Variants in UTRN observed in about 807,000 individuals in gnomAD.
UTRN encodes the protein utrophin.
Under a neutral mutation model 463.9 loss-of-function variants are expected in UTRN, and 283 were observed. That is an observed-to-expected ratio of 0.61 (90% CI 0.55 to 0.67). The LOEUF is 0.67. Ranked by LOEUF, UTRN falls within the 30% of genes least tolerant of loss-of-function variation. UTRN has a pLI of 0.00. For synonymous variants in UTRN, 1,442 were observed against 1,431.5 expected, an observed-to-expected ratio of 1.01 and a Z score of -0.17; for missense variants, 3,922 against 4,084.3, an observed-to-expected ratio of 0.96 and a Z score of 1.08.
At chr6:144,842,006 A>T (rs986422337) in intron 73 of UTRN, among the ~76,000 whole-genome samples, 1 of 146,438 alleles carries the variant, frequency 6.8e-6, no homozygotes, top group African/African-American at 2.5e-5. Flanking sequence ...GCAACTCAGG[A>T]GGTTGAGGCA....
intron 2 of UTRN, among the ~76,000 whole-genome samples, chr6:144,356,883 A>ATGTGTGTGTGTATATATACACATG (rs35404291): frequency 6.6e-6 from 1 of 151,456 alleles, no homozygotes; most frequent in Admixed American, 6.6e-5. Context: ...ATATATACAT[A>ATGTGTGTGTGTATATATACACATG]TGTGTGTGTA....
intron 46 of UTRN, among the ~76,000 whole-genome samples, chr6:144,544,338 C>A (rs945323664): frequency 6.6e-6 from 1 of 152,142 alleles, no homozygotes; most frequent in Non-Finnish European, 1.5e-5. Context: ...TGTTGTACAA[C>A]CACTATTTCT....
At chr6:144,329,709 A>G (rs1776208727) in intron 2 of UTRN, among the ~76,000 whole-genome samples, 1 of 152,192 alleles carries the variant, frequency 6.6e-6, no homozygotes, top group African/African-American at 2.4e-5. Flanking sequence ...CAGTGAAAAG[A>G]TCTAATTGCT....
intron 2 of UTRN, among the ~76,000 whole-genome samples, chr6:144,343,402 A>G (rs1777300053): frequency 7.1e-6 from 1 of 141,138 alleles, no homozygotes; most frequent in African/African-American, 2.6e-5. Context: ...ACACACACAC[A>G]CACACACAAT....
chr6:144,358,526 C>G (rs1214725444), intron 2 of UTRN, among the ~76,000 whole-genome samples: 1 of 152,170 alleles, frequency 6.6e-6, no homozygotes, highest in Non-Finnish European at 1.5e-5. Flanking sequence ...TTTAAAGCAC[C>G]AACATTTGGT....
intron 74 of UTRN, among the ~76,000 whole-genome samples, chr6:144,849,186 G>A (rs1782276925): frequency 6.6e-6 from 1 of 152,124 alleles, no homozygotes; most frequent in South Asian, 2.1e-4. Flanking sequence ...TAGGAAGAGT[G>A]AGGCATAGGG....
chr6:144,791,994 C>T (rs867239146), intron 62 of UTRN, among the ~76,000 whole-genome samples: 2 of 152,148 alleles, frequency 1.3e-5, no homozygotes, highest in South Asian at 4.1e-4. Flanking sequence ...AAACATCATG[C>T]TAAGACTACT....
At chr6:144,827,507 C>A in intron 67 of UTRN, 104 bp from the exon 68 acceptor site, 1 of 1,590,146 alleles carries the variant, frequency 6.3e-7, no homozygotes, top group East Asian at 2.2e-5. Context: ...TCCTAGTGGT[C>A]TGTTTGCATG....
At chr6:144,328,635 A>T (rs1218670293) in intron 2 of UTRN, among the ~76,000 whole-genome samples, 1 of 152,196 alleles carries the variant, frequency 6.6e-6, no homozygotes, top group African/African-American at 2.4e-5. Context: ...GAGTAAAAAT[A>T]CATTCATTCA....
At chr6:144,639,110 G>A (rs909020379) in intron 51 of UTRN, among the ~76,000 whole-genome samples, 2 of 152,064 alleles carry the variant, frequency 1.3e-5, no homozygotes, top group African/African-American at 2.4e-5. Context: ...GAAAAGGAAG[G>A]CAATGATGTT....
At chr6:144,622,768 G>A (rs1775563260) in intron 51 of UTRN, among the ~76,000 whole-genome samples, 1 of 152,128 alleles carries the variant, frequency 6.6e-6, no homozygotes, top group Non-Finnish European at 1.5e-5. Context: ...TCACAAAGAG[G>A]AAATTTAGCT....
rs575223115 is a variant in UTRN, at chr6:144,836,853, C to T, written c.10065+312C>T. On this transcript the variant is annotated intron_variant, in intron 71 of 74. Coordinates refer to ENST00000367545, the MANE Select transcript of UTRN (RefSeq NM_007124.3). ...ATCTTCCTAAATTATACATGGGAAG[C>T]ATCTGTATTAAGGAACAGCAAGAGA... Among the ~76,000 whole-genome samples, 4 of 152,280 alleles carry T rather than the reference C, an allele frequency of 2.6e-5. No individual in the cohort carries two copies. In the South Asian group the frequency reaches 8.3e-4, roughly 32 times the overall value.
chr6:144,429,017 G>A, intron 8 of UTRN, 124 bp downstream of exon 8: 1 of 603,002 alleles, frequency 1.7e-6, no homozygotes, highest in Non-Finnish European at 2.8e-6. Flanking sequence ...CCTTTTTGGA[G>A]TATAGGTGCG....
intron 53 of UTRN, among the ~76,000 whole-genome samples, chr6:144,713,670 C>T (rs1398409071): frequency 1.4e-5 from 2 of 143,024 alleles, no homozygotes; most frequent in African/African-American, 2.6e-5. Context: ...CCTGTAATCC[C>T]AGCACTTTGG....
rs6570640 is a variant in UTRN, at chr6:144,697,738, A to T, written c.7653-2349A>T. Reference sequence around the variant, plus strand: ...ATTTCTTTTAAAAAGTATTGTCTTCATCCTCATAATTAATAGATAGTTTTT... The same window carrying T: ...ATTTCTTTTAAAAAGTATTGTCTTCTTCCTCATAATTAATAGATAGTTTTT... On this transcript the variant is annotated intron_variant, in intron 52 of 74. Transcript: ENST00000367545. Among the ~76,000 whole-genome samples, 9 of 152,066 alleles carry T rather than the reference A, an allele frequency of 5.9e-5. No homozygotes were observed. In the East Asian group the frequency reaches 1.7e-3, roughly 29 times the overall value.
rs1789378610 is a variant in UTRN at position 144,461,299 on chromosome 6, T to C, written c.2810T>C (p.Leu937Pro). ...ENKAQVSLNV[L>P]NDLAKVEKAL... is the part of the protein sequence containing the mutation. ...AAGGCCCAGGTGTCTCTGAATGTCCTTAATGATCTTGCCAAGGTGGAGAAG... is the reference window on the plus strand; with the variant it reads ...AAGGCCCAGGTGTCTCTGAATGTCCCTAATGATCTTGCCAAGGTGGAGAAG... Residue 937 changes from leucine (L) to proline (P), a missense_variant, in exon 22 of 75, where the codon CTT becomes CCT. Transcript: ENST00000367545. The C allele has an allele frequency of 2.5e-6, 4 of 1,596,614 alleles. No individual in the cohort carries two copies. In the East Asian group the frequency reaches 8.9e-5, roughly 36 times the overall value.
intron 10 of UTRN, among the ~76,000 whole-genome samples, chr6:144,436,900 A>G (rs1786609356): frequency 6.9e-6 from 1 of 144,730 alleles, no homozygotes; most frequent in Non-Finnish European, 1.5e-5. Flanking sequence ...TTTTATATAT[A>G]ATCTATTTAT....
rs1775873047 is a variant in UTRN, at chr6:144,782,010, C to A, written c.8721C>A (p.Val2907=). The A allele has an allele frequency of 6.2e-7, 1 of 1,614,022 alleles. No homozygotes were observed. The highest frequency in any genetic ancestry group is 2.2e-5 in the East Asian group (1 of 44,814). The part of the protein sequence containing the change: ...QNDQLLSVPD[V]INCLTTTYDG... ...ACCAGCTCCTCAGTGTTCCAGATGT[C>A]ATCAACTGTCTGACAACAACTTATG... The change falls in exon 61 of 75, where the codon GTC becomes GTA. Residue 2907 remains valine, a synonymous_variant. Coordinates refer to ENST00000367545, the MANE Select transcript of UTRN (RefSeq NM_007124.3).
At chr6:144,306,708 G>A (rs2114546637) in intron 2 of UTRN, among the ~76,000 whole-genome samples, 1 of 152,074 alleles carries the variant, frequency 6.6e-6, no homozygotes, top group African/African-American at 2.4e-5. Flanking sequence ...ACTGGCAGCT[G>A]GAGTCTTGAG....
Sources: allele counts gnomAD v4.1 joint callset (sites outside exome capture counted in the v4.1 genomes callset), GRCh38; gene constraint gnomAD v4.1.1; transcripts MANE v1.5; gene names NCBI Gene and HGNC (gene_info 2026-07-23, HGNC 2026-07-21).